R3HCC1L: variants seen among roughly 807,000 people sequenced by gnomAD.
R3HCC1L encodes the protein R3H domain and coiled-coil containing 1 like, also known as coiled-coil domain-containing protein R3HCC1L.
R3HCC1L carries 51 observed loss-of-function variants against 59.9 expected under a neutral mutation model. The ratio of observed to expected loss-of-function variants is 0.85; its 90% CI spans 0.68 to 1.07. R3HCC1L has a LOEUF of 1.07. Ranked by LOEUF, R3HCC1L falls within the 50% of genes least tolerant of loss-of-function variation. The pLI is 0.00. For missense variants in R3HCC1L, 965 were observed against 933.0 expected (o/e 1.03, Z -0.45); for synonymous variants, 322 against 315.2 (o/e 1.02, Z -0.23).
chr10:98,151,410 G>GT (rs1413755976), intron 1 of R3HCC1L, among the ~76,000 whole-genome samples: 7 of 152,268 alleles, frequency 4.6e-5, no homozygotes, highest in African/African-American at 1.7e-4. Context: ...TAGGATTGTT[G>GT]TGAGGATTGG....
chr10:98,175,824 T>G (rs1564648821), intron 4 of R3HCC1L, among the ~76,000 whole-genome samples: 1 of 152,194 alleles, frequency 6.6e-6, no homozygotes, highest in Non-Finnish European at 1.5e-5. Flanking sequence ...TTATGGGTCA[T>G]GCTTTTGATG....
chr10:98,234,609 C>G, intron 7 of R3HCC1L, 93 bp downstream of exon 7: 1 of 1,336,316 alleles, frequency 7.5e-7, no homozygotes, highest in Non-Finnish European at 1.1e-6. Flanking sequence ...AAGTTGGCAT[C>G]TTATTCAGCC....
chr10:98,154,182 C>CAAAAAAAAAAAAAAAA (rs61379048), intron 1 of R3HCC1L, among the ~76,000 whole-genome samples: 3 of 92,832 alleles, frequency 3.2e-5, no homozygotes, highest in Non-Finnish European at 4.2e-5. Flanking sequence ...AGAGAATAAG[C>CAAAAAAAAAAAAAAAA]AAAAAAAAAA....
chr10:98,171,279 T>C (rs893421813), intron 4 of R3HCC1L, among the ~76,000 whole-genome samples: 12 of 152,234 alleles, frequency 7.9e-5, no homozygotes, highest in African/African-American at 2.9e-4. Context: ...TGTTGAATTC[T>C]GACCTATACA....
At position 98,194,014 on chromosome 10, in the gene R3HCC1L, C is replaced by A. The variant is rs145611165; in HGVS notation, c.-14-14087C>A. 2.3e-3 allele frequency among the ~76,000 whole-genome samples: 351 copies of A among 152,006 alleles called. 1 individual carries two copies. The highest frequency in any genetic ancestry group is 8.0e-3 in the African/African-American group (331 of 41,422). The stretch of plus-strand genomic sequence containing the variant: ...AATTCATATGGAATCTCAAAGGAGC[C>A]CAAATAGCCAAAGCAGTCTTGAGAA... On this transcript the variant is annotated intron_variant, in intron 4 of 9. Transcript: ENST00000298999.
intron 9 of R3HCC1L, among the ~76,000 whole-genome samples, chr10:98,236,981 G>A (rs554852372): frequency 1.4e-4 from 21 of 152,240 alleles, no homozygotes; most frequent in African/African-American, 4.3e-4. Flanking sequence ...TCCATTAAAC[G>A]AATTGAAGTT....
chr10:98,156,023 A>G (rs1369153820), intron 1 of R3HCC1L, 70 bp from the exon 2 acceptor site: 1 of 152,014 alleles, frequency 6.6e-6, no homozygotes, highest in Non-Finnish European at 1.5e-5. Flanking sequence ...GTTTTCCACA[A>G]GGTCAATCAC....
intron 1 of R3HCC1L, among the ~76,000 whole-genome samples, chr10:98,141,319 G>A (rs1378249412): frequency 6.6e-6 from 1 of 152,120 alleles, no homozygotes; most frequent in East Asian, 1.9e-4. Context: ...GAATTGTTAA[G>A]CCTCCTAAGT....
At chr10:98,136,033 T>G (rs768648706) in intron 1 of R3HCC1L, among the ~76,000 whole-genome samples, 8 of 151,712 alleles carry the variant, frequency 5.3e-5, no homozygotes, top group Non-Finnish European at 1.0e-4. Flanking sequence ...TTTTTTTTTT[T>G]GGGTAGAATC....
chr10:98,216,212 T>C (rs116539160), intron 5 of R3HCC1L, among the ~76,000 whole-genome samples: 424 of 152,266 alleles, frequency 2.8e-3, no homozygotes, highest in African/African-American at 9.8e-3. Flanking sequence ...TTTAGAATCA[T>C]TTAAAAAATA....
chr10:98,164,921 T>G (rs1351414572), intron 4 of R3HCC1L, among the ~76,000 whole-genome samples: 2 of 152,198 alleles, frequency 1.3e-5, no homozygotes, highest in Non-Finnish European at 2.9e-5. Context: ...GTGGAAATAG[T>G]GTATTTCACC....
Position 98,208,511 on chromosome 10 carries a change from A to G in R3HCC1L, c.397A>G (p.Asn133Asp). The G allele has an allele frequency of 6.2e-7, 1 of 1,614,160 alleles. No homozygotes were observed. The highest frequency in any genetic ancestry group is 8.5e-7 in the Non-Finnish European group (1 of 1,180,010). The change falls in exon 5 of 10, where the codon AAT (asparagine) becomes GAT (aspartate). Residue 133 changes from asparagine to aspartate, a missense_variant. Coordinates refer to ENST00000298999, the MANE Select transcript of R3HCC1L (RefSeq NM_001351015.2). ...QGAPNAGVIT[N>D]APLQRHFKPK... is the part of the protein sequence containing the mutation. Reference sequence around the variant, plus strand: ...AGCCCCAAATGCTGGGGTTATAACTAATGCACCTTTGCAGAGACATTTTAA... The same window carrying G: ...AGCCCCAAATGCTGGGGTTATAACTGATGCACCTTTGCAGAGACATTTTAA...
chr10:98,235,241 A>G (rs1282205311), intron 7 of R3HCC1L, among the ~76,000 whole-genome samples, 184 bp from the exon 8 acceptor site: 1 of 152,048 alleles, frequency 6.6e-6, no homozygotes, highest in Non-Finnish European at 1.5e-5. Context: ...GGATTTGGTC[A>G]TGGAGCCATA....
chr10:98,196,657 T>C (rs2134998215), intron 4 of R3HCC1L, among the ~76,000 whole-genome samples: 1 of 152,332 alleles, frequency 6.6e-6, no homozygotes, highest in Non-Finnish European at 1.5e-5. Context: ...TTTCAGATTC[T>C]ATGATTAATC....
In R3HCC1L at chr10:98,162,184, A is replaced by G. The variant is rs551933273; in HGVS notation, c.-212-699A>G. Among the ~76,000 whole-genome samples, 3 of 152,128 alleles carry G rather than the reference A, an allele frequency of 2.0e-5. No homozygotes were observed. In the South Asian group the frequency reaches 6.2e-4, roughly 32 times the overall value. On this transcript the variant is annotated intron_variant, in intron 2 of 9. Transcript: ENST00000298999. ...TGATTTTCTACAGTGTGGATGTACC[A>G]TAATTTATTTAACCTGGCTGATATT...
chr10:98,224,973 A>AATATAT (rs1855501531), intron 5 of R3HCC1L, among the ~76,000 whole-genome samples: 2 of 152,252 alleles, frequency 1.3e-5, no homozygotes, highest in Non-Finnish European at 2.9e-5. Flanking sequence ...GAAAAGTAAT[A>AATATAT]ACAGGTAAAA....
intron 4 of R3HCC1L, chr10:98,174,627 T>C: frequency 2.0e-6 from 2 of 985,360 alleles, no homozygotes; most frequent in Non-Finnish European, 2.4e-6. Context: ...TTAGACATTA[T>C]CAAGGAGGGC....
chr10:98,166,213 T>G (rs1445255062), intron 4 of R3HCC1L, among the ~76,000 whole-genome samples: 1 of 152,146 alleles, frequency 6.6e-6, no homozygotes, highest in Non-Finnish European at 1.5e-5. Flanking sequence ...GGGAGCTAGC[T>G]TGCTCTGTTT....
chr10:98,160,322 A>G (rs1016029692), intron 2 of R3HCC1L, among the ~76,000 whole-genome samples: 1 of 152,260 alleles, frequency 6.6e-6, no homozygotes, highest in African/African-American at 2.4e-5. Flanking sequence ...TTACAAGTGT[A>G]AAATGTACAT....
Sources: allele counts gnomAD v4.1 joint callset (sites outside exome capture counted in the v4.1 genomes callset), GRCh38; gene constraint gnomAD v4.1.1; transcripts MANE v1.5; gene names NCBI Gene and HGNC (gene_info 2026-07-23, HGNC 2026-07-21).